TUSC3: variants seen among roughly 807,000 people sequenced by gnomAD.
The protein encoded by TUSC3 is tumor suppressor candidate 3, also known as dolichyl-diphosphooligosaccharide--protein glycosyltransferase subunit TUSC3.
A neutral mutation model predicts 44.8 loss-of-function variants in TUSC3; 45 were observed. That is an observed-to-expected ratio of 1.00 (90% CI 0.79 to 1.29). The LOEUF is 1.29. TUSC3 is among the 50% of genes most tolerant of loss of function. TUSC3 has a pLI of 0.00. For synonymous variants in TUSC3, 212 were observed against 152.9 expected (o/e 1.39, Z -2.85); for missense variants, 519 against 437.9 (o/e 1.19, Z -1.65).
chr8:15,455,242 G>T (rs1226665942), intron 1 of TUSC3, among the ~76,000 whole-genome samples: 3 of 152,098 alleles, frequency 2.0e-5, no homozygotes, highest in Non-Finnish European at 4.4e-5. Flanking sequence ...AAAACCCCAG[G>T]ACTGGTGGAT....
chr8:15,423,660 C>G (rs1235712519), intron 1 of TUSC3, among the ~76,000 whole-genome samples: 1 of 152,194 alleles, frequency 6.6e-6, no homozygotes, highest in African/African-American at 2.4e-5. Context: ...AGTGCACATC[C>G]TTGCCCTGGT....
At chr8:15,849,903 G>A in the TUSC3 span, among the ~76,000 whole-genome samples, 178 of 152,246 alleles carry the variant, frequency 1.2e-3, 2 homozygotes, top group African/African-American at 3.9e-3. Flanking sequence ...TCAAAGTGGC[G>A]AAGGAAAATA....
chr8:15,642,383 T>TA (rs958742602), intron 2 of TUSC3, among the ~76,000 whole-genome samples: 3 of 152,210 alleles, frequency 2.0e-5, no homozygotes, highest in East Asian at 1.9e-4. Flanking sequence ...TGAGAAAAGT[T>TA]AAAAAAATGA....
intron 2 of TUSC3, among the ~76,000 whole-genome samples, chr8:15,510,242 G>A (rs1187337440): frequency 6.6e-6 from 1 of 151,896 alleles, no homozygotes; most frequent in African/African-American, 2.4e-5. Flanking sequence ...CAATCAAAGT[G>A]GAAACCAATG....
intron 10 of TUSC3, among the ~76,000 whole-genome samples, chr8:15,758,869 A>C (rs1430244768): frequency 1.3e-5 from 2 of 151,978 alleles, no homozygotes; most frequent in Non-Finnish European, 2.9e-5. Context: ...CAGATCTAAA[A>C]AGCTTCCATT....
chr8:15,761,692 C>G (rs1164908849), intron 10 of TUSC3, among the ~76,000 whole-genome samples: 2 of 152,110 alleles, frequency 1.3e-5, no homozygotes, highest in African/African-American at 4.8e-5. Context: ...ATCGTGGTAC[C>G]CAAGGCTGCT....
At chr8:15,451,811 T>C (rs1337936924) in intron 1 of TUSC3, among the ~76,000 whole-genome samples, 1 of 152,018 alleles carries the variant, frequency 6.6e-6, no homozygotes, top group Admixed American at 6.6e-5. Flanking sequence ...TGAGTTGAGT[T>C]AAATGGTAGG....
chr8:15,604,071 A>C (rs1804417391), intron 1 of TUSC3, among the ~76,000 whole-genome samples: 1 of 151,758 alleles, frequency 6.6e-6, no homozygotes, highest in Admixed American at 6.6e-5. Flanking sequence ...CAATGCAGAT[A>C]AATGACTTAC....
At chr8:15,672,062 G>A (rs539978928) in intron 5 of TUSC3, among the ~76,000 whole-genome samples, 1 of 152,120 alleles carries the variant, frequency 6.6e-6, no homozygotes, top group South Asian at 2.1e-4. Context: ...GAGATTGACT[G>A]GGTTGACATA....
At chr8:15,659,437 A>G in intron 3 of TUSC3, 70 bp from the exon 4 acceptor site, 16 of 1,563,970 alleles carry the variant, frequency 1.0e-5, no homozygotes, top group Non-Finnish European at 1.4e-5. Flanking sequence ...ATTTCTACAG[A>G]AAAAGTGTAA....
At chr8:15,758,130 A>G in intron 10 of TUSC3, 1 of 1,162,120 alleles carries the variant, frequency 8.6e-7, no homozygotes, top group South Asian at 3.0e-5. Flanking sequence ...TACTTTCTTA[A>G]CTTCTGTTTG....
At chr8:15,647,473 A>G (rs1264483398) in intron 2 of TUSC3, among the ~76,000 whole-genome samples, 1 of 152,120 alleles carries the variant, frequency 6.6e-6, no homozygotes, top group African/African-American at 2.4e-5. Flanking sequence ...TTCTGATTTT[A>G]ATGATTACTT....
chr8:15,734,411 A>G (rs1244725884), intron 7 of TUSC3, among the ~76,000 whole-genome samples: 2 of 152,216 alleles, frequency 1.3e-5, no homozygotes, highest in Non-Finnish European at 2.9e-5. Flanking sequence ...TATTTAAGAA[A>G]ACAATCCTAA....
intron 5 of TUSC3, among the ~76,000 whole-genome samples, chr8:15,673,173 G>C (rs2129183283): frequency 6.6e-6 from 1 of 152,134 alleles, no homozygotes; most frequent in East Asian, 1.9e-4. Context: ...GATATATTCA[G>C]CAGGTATATA....
intron 1 of TUSC3, among the ~76,000 whole-genome samples, chr8:15,576,195 C>T (rs1363509333): frequency 6.8e-6 from 1 of 146,630 alleles, no homozygotes; most frequent in Non-Finnish European, 1.5e-5. Context: ...TATTAGTTCA[C>T]TAGTTGATGA....
chr8:15,523,169 G>T (rs958467110), intron 2 of TUSC3, among the ~76,000 whole-genome samples: 2 of 152,100 alleles, frequency 1.3e-5, no homozygotes, highest in African/African-American at 4.8e-5. Context: ...AATGGTCAAT[G>T]GTTGCATGAT....
At chr8:15,786,078 A>T in the TUSC3 span, among the ~76,000 whole-genome samples, 1 of 152,208 alleles carries the variant, frequency 6.6e-6, no homozygotes, top group South Asian at 2.1e-4. Flanking sequence ...CAAAGCTAAT[A>T]AATTTTGTAT....
At chr8:15,449,170 G>C in intron 1 of TUSC3, among the ~76,000 whole-genome samples, 1 of 152,218 alleles carries the variant, frequency 6.6e-6, no homozygotes, top group East Asian at 1.9e-4. Context: ...TATTTCCAGA[G>C]TGGGAAGAAT....
chr8:15,770,602 TATG>T (rs574547442), downstream of TUSC3, among the ~76,000 whole-genome samples: 1,510 of 152,188 alleles, frequency 9.9e-3, 13 homozygotes, highest in Non-Finnish European at 0.016. Context: ...TGTTGAAAAA[TATG>T]ATCTTAAAAT....
Sources: allele counts gnomAD v4.1 joint callset (sites outside exome capture counted in the v4.1 genomes callset), GRCh38; gene constraint gnomAD v4.1.1; transcripts MANE v1.5; gene names NCBI Gene and HGNC (gene_info 2026-07-23, HGNC 2026-07-21).